NUDCD3: variants seen among roughly 807,000 people sequenced by gnomAD.
NUDCD3 encodes the protein NudC domain containing 3.
A neutral mutation model predicts 39.7 loss-of-function variants in NUDCD3; 13 were observed. The ratio of observed to expected loss-of-function variants is 0.33; its 90% confidence interval spans 0.21 to 0.52. The LOEUF (loss-of-function observed/expected upper bound fraction) is 0.52. Among genes scored for constraint, NUDCD3 ranks in the 20% least tolerant of loss-of-function variants. NUDCD3 has a pLI of 0.96. For synonymous variants in NUDCD3, 175 were observed against 172.4 expected, an observed-to-expected ratio of 1.02 and a Z score of -0.12; for missense variants, 453 against 458.1, an observed-to-expected ratio of 0.99 and a Z score of 0.10.
At chr7:44,408,128 C>T (rs1484374246) in intron 3 of NUDCD3, among the ~76,000 whole-genome samples, 1 of 152,202 alleles carries the variant, frequency 6.6e-6, no homozygotes, top group Non-Finnish European at 1.5e-5. Context: ...GAAGATATCC[C>T]TTTCAATCCT....
chr7:44,403,919 G>A (rs1798770301), intron 4 of NUDCD3, among the ~76,000 whole-genome samples: 1 of 152,208 alleles, frequency 6.6e-6, no homozygotes, highest in Non-Finnish European at 1.5e-5. Flanking sequence ...AAGGTTCAAA[G>A]CTTTCACAGG....
intron 2 of NUDCD3, among the ~76,000 whole-genome samples, chr7:44,437,392 T>C (rs551209774): frequency 2.8e-4 from 42 of 152,320 alleles, no homozygotes; most frequent in African/African-American, 8.7e-4. Context: ...TTTGTTTCTT[T>C]GTAAATTCTC....
In NUDCD3 at chr7:44,381,798, T is replaced by C. The variant is rs1163234658; in HGVS notation, c.*4213A>G. ...AGGGTGGCCACATTCCCACACCCCA[T>C]GTGTGCCTATCTCCATCAGCACTGA... On this transcript the variant is annotated 3_prime_UTR_variant, in exon 6 of 6. Transcript: ENST00000355451. The C allele has an allele frequency of 6.6e-6, 1 of 152,322 alleles. No individual in the cohort carries two copies. Among genetic ancestry groups the C allele is most frequent in the East Asian group, 1.9e-4 (1 of 5,210 alleles). 9.4% of individuals were successfully genotyped at this position (152,322 alleles called of 1,614,324 possible).
Position 44,490,551 on chromosome 7 carries a change from A to G in NUDCD3, c.50T>C (p.Leu17Pro). The G allele has an allele frequency of 6.2e-7, 1 of 1,612,384 alleles. No individual in the cohort carries two copies. The highest frequency in any genetic ancestry group is 8.5e-7 in the Non-Finnish European group (1 of 1,179,292). Residue 17 changes from leucine to proline, a missense_variant, in exon 1 of 6, where the codon CTG (leucine) becomes CCG (proline). Coordinates refer to ENST00000355451, the MANE Select transcript of NUDCD3 (RefSeq NM_015332.4). Reference sequence around the variant, plus strand: ...ATCCTGGACGTTGCCCACGTGCTGCAGGATGCCCAAAAGGGCCTGGTCATA... The same window carrying G: ...ATCCTGGACGTTGCCCACGTGCTGCGGGATGCCCAAAAGGGCCTGGTCATA... ...ELYDQALLGI[L>P]QHVGNVQDFL...
intron 2 of NUDCD3, among the ~76,000 whole-genome samples, chr7:44,475,692 C>T (rs1272257044): frequency 6.6e-6 from 1 of 151,670 alleles, no homozygotes; most frequent in African/African-American, 2.4e-5. Flanking sequence ...CCCAGGAAGT[C>T]GAGGTTGCAC....
chr7:44,409,842 AT>A (rs923764582), intron 3 of NUDCD3, among the ~76,000 whole-genome samples: 3 of 152,236 alleles, frequency 2.0e-5, no homozygotes, highest in Non-Finnish European at 2.9e-5. Flanking sequence ...TATTATTACC[AT>A]TTTTTTAAGA....
intron 2 of NUDCD3, among the ~76,000 whole-genome samples, chr7:44,460,639 C>G (rs1279355506): frequency 6.6e-6 from 1 of 152,020 alleles, no homozygotes; most frequent in East Asian, 1.9e-4. Context: ...GGTTCTAAAC[C>G]TATTTATGTC....
chr7:44,408,787 C>G (rs930163299), intron 3 of NUDCD3, among the ~76,000 whole-genome samples: 1 of 152,206 alleles, frequency 6.6e-6, no homozygotes, highest in Non-Finnish European at 1.5e-5. Context: ...TCCCCACTCT[C>G]CAGGCTCTCA....
intron 2 of NUDCD3, among the ~76,000 whole-genome samples, chr7:44,458,280 T>C (rs570968938): frequency 5.3e-5 from 8 of 152,278 alleles, no homozygotes; most frequent in Admixed American, 2.0e-4. Context: ...AAAGGCAAAG[T>C]AGACTGGTAA....
At chr7:44,467,242 C>T (rs1276263036) in intron 2 of NUDCD3, among the ~76,000 whole-genome samples, 1 of 152,178 alleles carries the variant, frequency 6.6e-6, no homozygotes. Context: ...CAATGGTCCT[C>T]ACAATAATAC....
At chr7:44,472,315 A>C (rs1465382173) in intron 2 of NUDCD3, among the ~76,000 whole-genome samples, 1 of 152,256 alleles carries the variant, frequency 6.6e-6, no homozygotes, top group African/African-American at 2.4e-5. Flanking sequence ...AAATCAACTG[A>C]GAAACTATTA....
At chr7:44,473,311 G>A (rs74624478) in intron 2 of NUDCD3, among the ~76,000 whole-genome samples, 2 of 152,262 alleles carry the variant, frequency 1.3e-5, no homozygotes, top group Non-Finnish European at 2.9e-5. Flanking sequence ...TTAACGTAGC[G>A]GAGAATCTCA....
intron 4 of NUDCD3, among the ~76,000 whole-genome samples, chr7:44,398,329 A>G (rs747448416): frequency 4.6e-5 from 7 of 152,152 alleles, no homozygotes; most frequent in Non-Finnish European, 1.0e-4. Context: ...TGGTCTCTCA[A>G]TGGCTTATAA....
At position 44,485,412 on chromosome 7, in the gene NUDCD3, CA is replaced by C. The variant is rs1800586219; in HGVS notation, c.193-129del. ...AGAAACTGACAAGTTTTCCCACTGGCAAAATGGAAATGCACTGCCACTTCAC... is the reference window on the plus strand; with the variant it reads ...AGAAACTGACAAGTTTTCCCACTGGCAAATGGAAATGCACTGCCACTTCAC... On this transcript the variant is annotated intron_variant, in intron 1 of 5. Coordinates refer to ENST00000355451, the MANE Select transcript of NUDCD3 (RefSeq NM_015332.4). 3 of 777,024 alleles carry C rather than the reference CA, an allele frequency of 3.9e-6. No individual in the cohort carries two copies. The South Asian group carries it at 6.2e-5, about 16-fold the overall frequency. The allele number at this position is 777,024 out of a possible 1,614,324, so 48.1% of individuals were successfully genotyped here.
intron 2 of NUDCD3, among the ~76,000 whole-genome samples, chr7:44,428,963 A>G (rs552568421): frequency 6.6e-6 from 1 of 152,342 alleles, no homozygotes; most frequent in African/African-American, 2.4e-5. Flanking sequence ...CAATGTGTGC[A>G]CTATGATCTG....
chr7:44,410,235 CAAGTCAATAATGA>C (rs1798897445), intron 3 of NUDCD3, among the ~76,000 whole-genome samples: 1 of 152,050 alleles, frequency 6.6e-6, no homozygotes, highest in Admixed American at 6.5e-5. Flanking sequence ...TCAAAAAAGC[CAAGTCAATAATGA>C]AGGAACAGAA....
intron 2 of NUDCD3, among the ~76,000 whole-genome samples, chr7:44,467,404 C>T (rs1458424427): frequency 6.6e-6 from 1 of 152,206 alleles, no homozygotes; most frequent in Non-Finnish European, 1.5e-5. Context: ...CTCTCCCTTC[C>T]TGACTCAAAT....
At chr7:44,480,511 A>C (rs1009812234) in intron 2 of NUDCD3, among the ~76,000 whole-genome samples, 2 of 152,210 alleles carry the variant, frequency 1.3e-5, no homozygotes, top group Non-Finnish European at 2.9e-5. Context: ...TCATGAAAAT[A>C]TCTGTATAAG....
chr7:44,437,261 G>A (rs1585078427), intron 2 of NUDCD3, among the ~76,000 whole-genome samples: 2 of 151,432 alleles, frequency 1.3e-5, no homozygotes, highest in African/African-American at 4.8e-5. Flanking sequence ...GTAGAGATGG[G>A]GTTTCACCAT....
Sources: gnomAD v4.1 joint callset for allele counts (sites outside exome capture counted in the v4.1 genomes callset) on GRCh38, gnomAD v4.1.1 for gene constraint, MANE v1.5 for transcripts, NCBI Gene and HGNC (gene_info 2026-07-23, HGNC 2026-07-21) for gene names.